CRIM1: variants seen among roughly 807,000 people sequenced by gnomAD.
The protein encoded by CRIM1 is cysteine rich transmembrane BMP regulator 1.
In CRIM1, 32 loss-of-function variants were observed where a neutral mutation model predicts 116.4. The observed-to-expected ratio is 0.27, with a 90% CI of 0.21 to 0.37. The LOEUF is 0.37. Ranked by LOEUF, CRIM1 falls within the 10% of genes least tolerant of loss-of-function variation. CRIM1 has a pLI of 1.00. For missense variants in CRIM1, 1,331 were observed against 1,354.8 expected (o/e 0.98, Z 0.28); for synonymous variants, 590 against 509.2 (o/e 1.16, Z -2.13).
intron 2 of CRIM1, among the ~76,000 whole-genome samples, chr2:36,407,765 T>C (rs1572663621): frequency 6.7e-6 from 1 of 148,768 alleles, no homozygotes; most frequent in Non-Finnish European, 1.5e-5. Flanking sequence ...CCAACAGGAG[T>C]GTGAGTGTAA....
chr2:36,481,369 A>G (rs952398136), intron 7 of CRIM1, among the ~76,000 whole-genome samples: 1 of 152,160 alleles, frequency 6.6e-6, no homozygotes, highest in African/African-American at 2.4e-5. Flanking sequence ...GTCACTTAGA[A>G]TTTGGTCTCT....
chr2:36,387,820 C>A (rs902039900), intron 1 of CRIM1, among the ~76,000 whole-genome samples: 3 of 152,188 alleles, frequency 2.0e-5, no homozygotes, highest in African/African-American at 7.2e-5. Context: ...AATAATCTTT[C>A]TCAAGAACCA....
intron 6 of CRIM1, among the ~76,000 whole-genome samples, chr2:36,477,362 A>C (rs1432158679): frequency 6.6e-6 from 1 of 152,170 alleles, no homozygotes; most frequent in African/African-American, 2.4e-5. Context: ...CAGTTCTAGC[A>C]ATTCCTCAGC....
chr2:36,448,447 C>G (rs899331842), intron 4 of CRIM1, among the ~76,000 whole-genome samples: 1 of 152,230 alleles, frequency 6.6e-6, no homozygotes, highest in African/African-American at 2.4e-5. Flanking sequence ...CTTGCTCTCT[C>G]CAGTGTTTGG....
chr2:36,502,779 C>T (rs1572881892), intron 8 of CRIM1, among the ~76,000 whole-genome samples: 2 of 152,172 alleles, frequency 1.3e-5, no homozygotes, highest in South Asian at 4.1e-4. Context: ...AAGAACTGCC[C>T]GTCTCCCAGG....
chr2:36,436,607 G>A (rs993516180), intron 2 of CRIM1, among the ~76,000 whole-genome samples: 8 of 152,126 alleles, frequency 5.3e-5, no homozygotes, highest in African/African-American at 1.9e-4. Context: ...TCATAATTAA[G>A]CTTGATTTAA....
At chr2:36,452,133 T>C (rs1676781174) in intron 4 of CRIM1, among the ~76,000 whole-genome samples, 1 of 152,030 alleles carries the variant, frequency 6.6e-6, no homozygotes, top group Non-Finnish European at 1.5e-5. Context: ...TTTTTTAAGA[T>C]TGATCTGTTA....
At chr2:36,508,963 T>A (rs918249229) in intron 8 of CRIM1, among the ~76,000 whole-genome samples, 1 of 152,166 alleles carries the variant, frequency 6.6e-6, no homozygotes, top group Admixed American at 6.5e-5. Flanking sequence ...TTAATATGAG[T>A]ATTTTTTCAA....
intron 5 of CRIM1, among the ~76,000 whole-genome samples, chr2:36,467,933 T>A (rs1353887673): frequency 2.0e-5 from 3 of 152,240 alleles, no homozygotes; most frequent in Non-Finnish European, 2.9e-5. Context: ...GATCATGTGC[T>A]TAATTGCGTT....
chr2:36,507,037 T>A (rs1259005399), intron 8 of CRIM1, among the ~76,000 whole-genome samples: 1 of 152,094 alleles, frequency 6.6e-6, no homozygotes, highest in Non-Finnish European at 1.5e-5. Context: ...TGTTTTATTT[T>A]CTGGCAGAGG....
chr2:36,548,690 C>A lies in CRIM1; in HGVS notation c.3100C>A (p.Gln1034Lys). ...QNHLQADNFY[Q>K]TV ...CCATCTACAGGCAGACAATTTCTAC[C>A]AAACAGTGTGAAGAAAGGCAACTAG... The change falls in exon 17 of 17, where the codon CAA becomes AAA. Residue 1034 changes from glutamine to lysine, a missense_variant. Gln to Lys is a moderately conservative substitution (Grantham distance 53). This residue lies in a region of CRIM1 where 283 missense variants were observed against 242.8 expected (regional missense o/e 1.17). Coordinates refer to ENST00000280527, the MANE Select transcript of CRIM1 (RefSeq NM_016441.3). 1.3e-6 allele frequency: 2 copies of A among 1,587,808 alleles called. No individual in the cohort carries two copies. Among genetic ancestry groups the A allele is most frequent in the South Asian group, 1.2e-5 (1 of 85,908 alleles).
intron 1 of CRIM1, among the ~76,000 whole-genome samples, chr2:36,365,774 G>C (rs1047753616): frequency 7.2e-6 from 1 of 138,290 alleles, no homozygotes; most frequent in African/African-American, 2.8e-5. Context: ...TCACTCTGTT[G>C]CCAGGCTGAA....
intron 4 of CRIM1, among the ~76,000 whole-genome samples, chr2:36,460,658 C>G (rs2124997627): frequency 6.6e-6 from 1 of 152,354 alleles, no homozygotes; most frequent in Non-Finnish European, 1.5e-5. Flanking sequence ...AATCTCAGTG[C>G]TCTCCTCACT....
chr2:36,509,946 T>C (rs1681699650), intron 8 of CRIM1, 37 bp from the exon 9 acceptor site: 4 of 1,601,680 alleles, frequency 2.5e-6, no homozygotes, highest in Middle Eastern at 1.7e-4. Flanking sequence ...GCTCTGTTCA[T>C]CTTTGGAAGA....
intron 4 of CRIM1, among the ~76,000 whole-genome samples, chr2:36,453,117 A>G (rs1271128550): frequency 3.9e-5 from 6 of 152,252 alleles, no homozygotes; most frequent in Non-Finnish European, 8.8e-5. Flanking sequence ...CTCTTCATGT[A>G]CACCTTTACA....
At chr2:36,396,447 A>G (rs1672034590) in intron 1 of CRIM1, among the ~76,000 whole-genome samples, 167 bp from the exon 2 acceptor site, 1 of 152,188 alleles carries the variant, frequency 6.6e-6, no homozygotes. Context: ...AGTTATTATG[A>G]AGAGATTGGG....
At chr2:36,457,365 C>T (rs971043100) in intron 4 of CRIM1, among the ~76,000 whole-genome samples, 3 of 127,438 alleles carry the variant, frequency 2.4e-5, no homozygotes, top group African/African-American at 6.8e-5. Context: ...ACAACAACAA[C>T]GAAAGGCAGA....
intron 1 of CRIM1, among the ~76,000 whole-genome samples, chr2:36,384,867 C>G (rs1671056932): frequency 6.6e-6 from 1 of 152,200 alleles, no homozygotes; most frequent in Non-Finnish European, 1.5e-5. Context: ...TAAACATACA[C>G]TAACCATGTG....
At chr2:36,545,019 G>A (rs1182878891) in intron 15 of CRIM1, among the ~76,000 whole-genome samples, 1 of 152,002 alleles carries the variant, frequency 6.6e-6, no homozygotes, top group Non-Finnish European at 1.5e-5. Flanking sequence ...TATCCTTTCA[G>A]TCTGTGCGTA....
Sources: allele counts gnomAD v4.1 joint callset (sites outside exome capture counted in the v4.1 genomes callset), GRCh38; gene constraint gnomAD v4.1.1; regional missense constraint gnomAD v4.1.1; transcripts MANE v1.5; gene names NCBI Gene and HGNC (gene_info 2026-07-23, HGNC 2026-07-21).